Variants in SOCS7 observed in about 807,000 individuals in gnomAD.
SOCS7 encodes suppressor of cytokine signaling 7, also known as NAP-4.
A neutral mutation model predicts 58.9 loss-of-function variants in SOCS7; 18 were observed. The ratio of observed to expected loss-of-function variants is 0.31; its 90% CI spans 0.21 to 0.45. The LOEUF is 0.45. Among genes scored for constraint, SOCS7 ranks in the 20% least tolerant of loss-of-function variants. The pLI, the probability that SOCS7 is intolerant of heterozygous loss-of-function variation, is 1.00. For missense variants in SOCS7, 667 were observed against 837.3 expected (o/e 0.80, Z 2.51); for synonymous variants, 388 against 364.3 (o/e 1.06, Z -0.74).
rs1003745390 is a variant in SOCS7, at chr17:38,401,800, T to A, written c.*2318T>A. 1 of 152,254 alleles carries A rather than the reference T, an allele frequency of 6.6e-6. No homozygotes were observed. The highest frequency in any genetic ancestry group is 2.4e-5 in the African/African-American group (1 of 41,464). 9.4% of individuals were successfully genotyped at this position (152,254 alleles called of 1,614,324 possible). Reference sequence around the variant, plus strand: ...GCATGTACTGAACAGTGCACAGCCCTGTTAGAGCAACATGGTTAAAGAATC... The same window carrying A: ...GCATGTACTGAACAGTGCACAGCCCAGTTAGAGCAACATGGTTAAAGAATC... On this transcript the variant is annotated 3_prime_UTR_variant, in exon 10 of 10. Transcript: ENST00000612932.
intron 7 of SOCS7, among the ~76,000 whole-genome samples, chr17:38,392,054 C>G (rs1187444852): frequency 1.3e-5 from 2 of 152,184 alleles, no homozygotes; most frequent in Admixed American, 6.5e-5. Flanking sequence ...TCGACTTCAC[C>G]CTTACTCTTT....
intron 7 of SOCS7, among the ~76,000 whole-genome samples, chr17:38,381,970 A>C (rs1390321493): frequency 6.7e-6 from 1 of 149,514 alleles, no homozygotes; most frequent in Non-Finnish European, 1.5e-5. Flanking sequence ...AAAAAAAAAA[A>C]AAAACCTAAA....
rs1046770443 is a variant in SOCS7, at chr17:38,403,180, A to G, written c.*3698A>G. On this transcript the variant is annotated 3_prime_UTR_variant, in exon 10 of 10. Coordinates refer to ENST00000612932, the MANE Select transcript of SOCS7 (RefSeq NM_014598.4). ...AGGTGTGGCCAAAGGAAACTCCTGC[A>G]TGGCTCCTGCTCCTTCCCCTTCCCT... is the stretch of plus-strand genomic sequence containing the variant. 3.3e-5 allele frequency: 5 copies of G among 152,120 alleles called. No individual in the cohort carries two copies. The highest frequency in any genetic ancestry group is 7.3e-5 in the Non-Finnish European group (5 of 68,044). 9.4% of individuals were successfully genotyped at this position (152,120 alleles called of 1,614,324 possible).
chr17:38,385,574 C>G (rs769300810), intron 7 of SOCS7, among the ~76,000 whole-genome samples: 2 of 151,942 alleles, frequency 1.3e-5, no homozygotes, highest in Admixed American at 6.6e-5. Context: ...TCCGTGTGCC[C>G]CATACTAATC....
At position 38,401,104 on chromosome 17, in the gene SOCS7, T is replaced by C. The variant is rs1341508815; in HGVS notation, c.*1622T>C. ...ACTGCCTCATCTGGGAGCATTGCCT[T>C]CTTCCTTAGTCCCACGTGGAGTGAC... On this transcript the variant is annotated 3_prime_UTR_variant, in exon 10 of 10. Coordinates refer to ENST00000612932, the MANE Select transcript of SOCS7 (RefSeq NM_014598.4). The C allele has an allele frequency of 6.6e-6, 1 of 152,216 alleles. No individual in the cohort carries two copies. The highest frequency in any genetic ancestry group is 2.4e-5 in the African/African-American group (1 of 41,446). The allele number at this position is 152,216 out of a possible 1,614,324, so 9.4% of individuals were successfully genotyped here.
chr17:38,382,437 CAAAAAAA>C (rs1190332565), intron 7 of SOCS7, among the ~76,000 whole-genome samples: 4 of 68,592 alleles, frequency 5.8e-5, no homozygotes, highest in Non-Finnish European at 1.2e-4. Flanking sequence ...GACCCTATCT[CAAAAAAA>C]AAAAAAAAAA....
chr17:38,375,571 T>C (rs967799393), intron 6 of SOCS7, among the ~76,000 whole-genome samples: 1 of 152,222 alleles, frequency 6.6e-6, no homozygotes, highest in African/African-American at 2.4e-5. Flanking sequence ...CGACTGTTTA[T>C]ATTATTGGTA....
chr17:38,400,561 C>CA lies in SOCS7; in HGVS notation c.*1080dup, dbSNP rs1249359970. 6.6e-6 allele frequency: 1 copy of CA among 152,194 alleles called. No homozygotes were observed. The highest frequency in any genetic ancestry group is 1.9e-4 in the East Asian group (1 of 5,192). The allele number at this position is 152,194 out of a possible 1,614,324, so 9.4% of individuals were successfully genotyped here. A position where few individuals can be genotyped will look rare whatever the true frequency, so the allele number is the denominator to read the frequency against. On this transcript the variant is annotated 3_prime_UTR_variant, in exon 10 of 10. Transcript: ENST00000612932. Reference sequence around the variant, plus strand: ...CTTCCTAGAGGAAGCTCTCAGAACGCAGCCCTCACGGGATTTCCTTAGGTC... The same window carrying CA: ...CTTCCTAGAGGAAGCTCTCAGAACGCAAGCCCTCACGGGATTTCCTTAGGTC...
At chr17:38,392,045 C>T (rs2038178898) in intron 7 of SOCS7, among the ~76,000 whole-genome samples, 2 of 152,288 alleles carry the variant, frequency 1.3e-5, no homozygotes, top group East Asian at 1.9e-4. Flanking sequence ...GATTAATGTT[C>T]GACTTCACCC....
At chr17:38,382,424 C>T (rs1052338853) in intron 7 of SOCS7, among the ~76,000 whole-genome samples, 67 of 126,058 alleles carry the variant, frequency 5.3e-4, no homozygotes, top group African/African-American at 2.1e-3. Flanking sequence ...AGTAATAGAG[C>T]GAGACCCTAT....
chr17:38,396,029 C>T, intron 9 of SOCS7, 31 bp downstream of exon 9: 1 of 1,530,252 alleles, frequency 6.5e-7, no homozygotes, highest in African/African-American at 1.4e-5. Flanking sequence ...TGCCCAGCCA[C>T]ATTTCTTCCT....
rs371350705 is a variant in SOCS7, at chr17:38,370,091, G to A, written c.1552+2041G>A. ...CAGGCGTGAGCCACCATGCCTGGCCGGGTTCAAGCAATTCTTGTAACTCAA... is the reference window on the plus strand; with the variant it reads ...CAGGCGTGAGCCACCATGCCTGGCCAGGTTCAAGCAATTCTTGTAACTCAA... On this transcript the variant is annotated intron_variant, in intron 6 of 9. Transcript: ENST00000612932. Among the ~76,000 whole-genome samples, 102 of 150,802 alleles carry A rather than the reference G, an allele frequency of 6.8e-4. No individual in the cohort carries two copies. In the South Asian group the frequency reaches 8.0e-3, roughly 12 times the overall value.
At chr17:38,366,028 A>C (rs1484255757) in intron 4 of SOCS7, 1 of 1,266,948 alleles carries the variant, frequency 7.9e-7, no homozygotes, top group African/African-American at 1.5e-5. Flanking sequence ...TAGTCACCTT[A>C]GTAAGGTTAG....
chr17:38,364,891 G>C (rs1555568083), intron 3 of SOCS7, 35 bp downstream of exon 3: 2 of 1,519,974 alleles, frequency 1.3e-6, no homozygotes, highest in Non-Finnish European at 1.8e-6. Flanking sequence ...TTCTTGCCTA[G>C]TGGGAGGGTG....
At chr17:38,390,564 A>G (rs981464501) in intron 7 of SOCS7, among the ~76,000 whole-genome samples, 2 of 152,110 alleles carry the variant, frequency 1.3e-5, no homozygotes, top group Non-Finnish European at 2.9e-5. Flanking sequence ...ATCCATGGAC[A>G]TAGGCTGTCT....
At chr17:38,363,827 G>T (rs1181754289) in intron 2 of SOCS7, among the ~76,000 whole-genome samples, 1 of 152,138 alleles carries the variant, frequency 6.6e-6, no homozygotes, top group African/African-American at 2.4e-5. Context: ...AAAAAAAGGT[G>T]TTGGAAGGAA....
Position 38,404,710 on chromosome 17 carries a change from G to C in SOCS7, c.*5228G>C, listed in dbSNP as rs1055829289. ...CACATACCACACTGCCCCGCTCAGA[G>C]TTTCGTCCTGAGCTCCCTAACCAGC... On this transcript the variant is annotated 3_prime_UTR_variant, in exon 10 of 10. Coordinates refer to ENST00000612932, the MANE Select transcript of SOCS7 (RefSeq NM_014598.4). 2 of 152,288 alleles carry C rather than the reference G, an allele frequency of 1.3e-5. No individual in the cohort carries two copies. Among genetic ancestry groups the C allele is most frequent in the Non-Finnish European group, 2.9e-5 (2 of 68,084 alleles). 9.4% of individuals were successfully genotyped at this position (152,288 alleles called of 1,614,324 possible). A position where few individuals can be genotyped will look rare whatever the true frequency, so the allele number is the denominator to read the frequency against.
intron 7 of SOCS7, among the ~76,000 whole-genome samples, chr17:38,387,139 A>ATATATATATATGTGTG (rs2038085837): frequency 3.3e-5 from 4 of 120,276 alleles, no homozygotes; most frequent in African/African-American, 1.4e-4. Flanking sequence ...GTATGTATAT[A>ATATATATATATGTGTG]TATATATATA....
intron 1 of SOCS7, among the ~76,000 whole-genome samples, chr17:38,360,643 C>T (rs1325029390): frequency 2.0e-5 from 3 of 152,130 alleles, no homozygotes; most frequent in East Asian, 1.9e-4. Flanking sequence ...GGGTTCACGC[C>T]GTTCTCCTGC....
Sources: allele counts gnomAD v4.1 joint callset (sites outside exome capture counted in the v4.1 genomes callset), GRCh38; gene constraint gnomAD v4.1.1; transcripts MANE v1.5; gene names NCBI Gene and HGNC (gene_info 2026-07-23, HGNC 2026-07-21).